Variants in KIF24 observed in about 807,000 individuals in gnomAD.
KIF24 encodes the protein kinesin-like protein KIF24.
A neutral mutation model predicts 118.9 loss-of-function variants in KIF24; 81 were observed. The ratio of observed to expected loss-of-function variants is 0.68; its 90% CI spans 0.57 to 0.82. The LOEUF is 0.82. Ranked by LOEUF, KIF24 falls within the 40% of genes least tolerant of loss-of-function variation. The pLI, the probability that KIF24 is intolerant of heterozygous loss-of-function variation, is 0.00. For missense variants in KIF24, 1,560 were observed against 1,661.6 expected (o/e 0.94, Z 1.06); for synonymous variants, 599 against 610.0 (o/e 0.98, Z 0.27).
At chr9:34,292,434 C>T (rs117139340) in intron 4 of KIF24, among the ~76,000 whole-genome samples, 2 of 152,022 alleles carry the variant, frequency 1.3e-5, no homozygotes, top group East Asian at 1.9e-4. Context: ...CCCTCAAAAT[C>T]GTCTTTGGAG....
intron 12 of KIF24, 82 bp downstream of exon 12, chr9:34,254,990 G>A: frequency 8.3e-6 from 8 of 960,312 alleles, no homozygotes; most frequent in Non-Finnish European, 9.7e-6. Context: ...CCCACACACA[G>A]CCACAGCAAA....
At position 34,255,930 on chromosome 9, in the gene KIF24, T is replaced by C. The variant is rs771310978; in HGVS notation, c.3677A>G (p.His1226Arg). 1 of 1,613,880 alleles carries C rather than the reference T, an allele frequency of 6.2e-7. No homozygotes were observed. The highest frequency in any genetic ancestry group is 1.3e-5 in the African/African-American group (1 of 74,920). ...ADQLWAQERK[H>R]PTRLGWQEFG... ...CTCCTGCCAACCAAGCCTTGTAGGA[T>C]GTTTTCTCTCCTGGGCCCAGAGCTG... Residue 1226 changes from histidine to arginine, a missense_variant, in exon 11 of 13, where the codon CAT (histidine) becomes CGT (arginine). Around this residue, in one of 3 missense-constraint regions of KIF24, gnomAD observed 591 missense variants for 655.6 expected, o/e 0.90. Coordinates refer to ENST00000402558, the MANE Select transcript of KIF24 (RefSeq NM_194313.4).
intron 1 of KIF24, 50 bp from the exon 2 acceptor site, chr9:34,311,421 C>G: frequency 1.1e-6 from 1 of 926,124 alleles, no homozygotes; most frequent in Non-Finnish European, 1.5e-6. Flanking sequence ...ACATGTAATA[C>G]AATTATTTAT....
chr9:34,319,112 A>G, intron 1 of KIF24: 1 of 1,417,560 alleles, frequency 7.1e-7, no homozygotes. Flanking sequence ...TGTCATGGTG[A>G]TGCACCAGAC....
chr9:34,318,276 G>C lies in KIF24; in HGVS notation c.-25-6905C>G, dbSNP rs1456466330. The stretch of plus-strand genomic sequence containing the variant: ...AGTTACATAGAAATAGGCTATAGAA[G>C]AGTAGAATCGTGTCGCGGCTCGAGA... On this transcript the variant is annotated intron_variant, in intron 1 of 12. Coordinates refer to ENST00000402558, the MANE Select transcript of KIF24 (RefSeq NM_194313.4). The surrounding 1 kb of genome is among the most constrained non-coding windows in gnomAD (Gnocchi z 4.9). The C allele has an allele frequency of 1.8e-6, 1 of 560,376 alleles. No homozygotes were observed. The highest frequency in any genetic ancestry group is 3.0e-5 in the Admixed American group (1 of 33,412). The allele number at this position is 560,376 out of a possible 1,614,324, so 34.7% of individuals were successfully genotyped here.
In KIF24 at chr9:34,306,334, T is replaced by C. The variant is rs369482032; in HGVS notation, c.731A>G (p.Asn244Ser). The C allele has an allele frequency of 8.7e-6, 14 of 1,610,494 alleles. No homozygotes were observed. In the African/African-American group the frequency reaches 1.5e-4, roughly 17 times the overall value. Residue 244 changes from asparagine (N) to serine (S), a missense_variant, in exon 3 of 13, where the codon AAT becomes AGT. Coordinates refer to ENST00000402558, the MANE Select transcript of KIF24 (RefSeq NM_194313.4). ...GMREVRRGEINIITVEDKETL... is the reference protein window; with the variant it reads ...GMREVRRGEISIITVEDKETL... ...TTCTTTGTCTTCTACAGTAATAATA[T>C]TAATTTCTCCACGACGTACCTCCCT...
rs541480929 is a variant in KIF24, at chr9:34,307,004, T to C, written c.624-563A>G. 1.6e-3 allele frequency among the ~76,000 whole-genome samples: 243 copies of C among 152,212 alleles called. 1 individual carries two copies. The highest frequency in any genetic ancestry group is 3.4e-3 in the Middle Eastern group (1 of 294). ...CAAAAAACCCCTAAGAGATCATATA[T>C]AGAATACTATTTTATACAATTGTTT... On this transcript the variant is annotated intron_variant, in intron 2 of 12. Transcript: ENST00000402558.
intron 6 of KIF24, among the ~76,000 whole-genome samples, chr9:34,284,888 G>A (rs932995454): frequency 6.6e-6 from 1 of 151,852 alleles, no homozygotes; most frequent in African/African-American, 2.4e-5. Context: ...CAATAAAAAA[G>A]GTTAAATCAT....
rs115523476 is a variant in KIF24, at chr9:34,314,481, A to C, written c.-25-3110T>G. ...ATGCCCAGCCCAGTTTAGACACTTT[A>C]AAATATATAGATACCTGAGCCCCAT... On this transcript the variant is annotated intron_variant, in intron 1 of 12. Coordinates refer to ENST00000402558, the MANE Select transcript of KIF24 (RefSeq NM_194313.4). 2.1e-3 allele frequency among the ~76,000 whole-genome samples: 319 copies of C among 152,166 alleles called. 1 individual carries two copies. Among genetic ancestry groups the C allele is most frequent in the African/African-American group, 7.2e-3 (300 of 41,532 alleles).
At chr9:34,270,584 C>T (rs573522996) in intron 7 of KIF24, among the ~76,000 whole-genome samples, 1 of 145,446 alleles carries the variant, frequency 6.9e-6, no homozygotes, top group African/African-American at 2.5e-5. Context: ...GCTGGGACTA[C>T]AAGTGTGGAC....
intron 6 of KIF24, among the ~76,000 whole-genome samples, chr9:34,280,066 C>T (rs1032984692): frequency 2.0e-5 from 3 of 151,464 alleles, no homozygotes; most frequent in South Asian, 2.1e-4. Context: ...AGGCGGATCA[C>T]GAGGTCAGGA....
Position 34,271,906 on chromosome 9 carries a change from G to T in KIF24, c.1240C>A (p.Arg414Ser). 1 of 1,601,372 alleles carries T rather than the reference G, an allele frequency of 6.2e-7. No individual in the cohort carries two copies. Among genetic ancestry groups the T allele is most frequent in the Non-Finnish European group, 8.5e-7 (1 of 1,173,440 alleles). The change falls in exon 7 of 13, where the codon CGC (arginine) becomes AGC (serine). Residue 414 changes from arginine to serine, a missense_variant. Physicochemically the swap from Arg to Ser is moderately radical, Grantham distance 110 (BLOSUM62 -1). Transcript: ENST00000402558. ...TTAACTCCAGTGGCCCCAGTGCTGC[G>T]CTCCTTGCTGCCCTTTAAGATCACC... is the stretch of plus-strand genomic sequence containing the variant. ...LEVILKGSKE[R>S]STGATGVNAD... is the part of the protein sequence containing the mutation.
chr9:34,295,083 G>A (rs1429588573), intron 4 of KIF24, among the ~76,000 whole-genome samples: 1 of 152,110 alleles, frequency 6.6e-6, no homozygotes, highest in Admixed American at 6.6e-5. Context: ...CAGGCTACTT[G>A]GCATTTTCTA....
At chr9:34,267,507 G>A (rs1187795680) in intron 8 of KIF24, among the ~76,000 whole-genome samples, 1 of 151,646 alleles carries the variant, frequency 6.6e-6, no homozygotes, top group African/African-American at 2.4e-5. Flanking sequence ...TGTCCCAACA[G>A]AAATAATACA....
chr9:34,270,074 T>C (rs1835444547), intron 7 of KIF24, among the ~76,000 whole-genome samples: 2 of 150,256 alleles, frequency 1.3e-5, no homozygotes, highest in Admixed American at 6.6e-5. Context: ...ATACAAAAAT[T>C]AGCTGGGTAT....
At chr9:34,285,774 C>CAAA (rs59097671) in intron 6 of KIF24, among the ~76,000 whole-genome samples, 5 of 65,072 alleles carry the variant, frequency 7.7e-5, no homozygotes, top group African/African-American at 2.3e-4. Flanking sequence ...GACTCCATCT[C>CAAA]AAAAAAAAAA....
intron 6 of KIF24, among the ~76,000 whole-genome samples, chr9:34,285,870 G>A (rs570907530): frequency 6.0e-5 from 9 of 148,816 alleles, no homozygotes; most frequent in Non-Finnish European, 1.2e-4. Context: ...GGGAGGCTGC[G>A]GTGAGCTATG....
chr9:34,297,041 G>C lies in KIF24; in HGVS notation c.887C>G (p.Pro296Arg), dbSNP rs1836509046. The change falls in exon 4 of 13, where the codon CCA (proline) becomes CGA (arginine). Residue 296 changes from proline to arginine, a missense_variant. Pro to Arg is a moderately radical substitution (Grantham distance 103). Coordinates refer to ENST00000402558, the MANE Select transcript of KIF24 (RefSeq NM_194313.4). ...NQDVYMKTTH[P>R]LIQHIFNGGN... ...CCCATTGAAAATATGCTGAATAAGT[G>C]GGTGAGTAGTCTTCATGTATACATC... The C allele has an allele frequency of 6.3e-7, 1 of 1,584,618 alleles. No homozygotes were observed. The highest frequency in any genetic ancestry group is 1.3e-5 in the African/African-American group (1 of 74,354).
At position 34,256,012 on chromosome 9, in the gene KIF24, C is replaced by A; in HGVS notation, c.3595G>T (p.Val1199Leu). 2 of 1,613,876 alleles carry A rather than the reference C, an allele frequency of 1.2e-6. No individual in the cohort carries two copies. Among genetic ancestry groups the A allele is most frequent in the East Asian group, 4.5e-5 (2 of 44,862 alleles). The change falls in exon 11 of 13, where the codon GTA becomes TTA. Residue 1199 changes from valine (V) to leucine (L), a missense_variant. By Grantham distance (32) the Val-to-Leu change is conservative (BLOSUM62 1). Around this residue, in one of 3 missense-constraint regions of KIF24, gnomAD observed 591 missense variants for 655.6 expected, o/e 0.90. Transcript: ENST00000402558. ...GKPFTTIHMG[V>L]PHSGPTLTPR... Reference sequence around the variant, plus strand: ...GTGAGTGTAGGTCCAGAATGGGGTACCCCCATATGTATGGTGGTGAAGGGC... The same window carrying A: ...GTGAGTGTAGGTCCAGAATGGGGTAACCCCATATGTATGGTGGTGAAGGGC...
Sources: gnomAD v4.1 joint callset for allele counts (sites outside exome capture counted in the v4.1 genomes callset) on GRCh38, gnomAD v4.1.1 for gene constraint, gnomAD v4.1.1 regional missense constraint, Gnocchi (gnomAD v3.1) non-coding constraint, MANE v1.5 for transcripts, NCBI Gene and HGNC (gene_info 2026-07-23, HGNC 2026-07-21) for gene names.